BCAS1: variants seen among roughly 807,000 people sequenced by gnomAD.
The protein encoded by BCAS1 is brain enriched myelin associated protein 1, also known as breast carcinoma-amplified sequence 1.
Under a neutral mutation model 65.4 loss-of-function variants are expected in BCAS1, and 46 were observed. The observed-to-expected ratio is 0.70, with a 90% CI of 0.55 to 0.90. The LOEUF is 0.90. Ranked by LOEUF, BCAS1 falls within the 40% of genes least tolerant of loss-of-function variation. The pLI is 0.00. For synonymous variants in BCAS1, 298 were observed against 293.5 expected (o/e 1.02, Z -0.16); for missense variants, 793 against 771.2 (o/e 1.03, Z -0.33).
chr20:53,958,853 C>A (rs960814435), intron 10 of BCAS1, among the ~76,000 whole-genome samples: 1 of 152,178 alleles, frequency 6.6e-6, no homozygotes, highest in African/African-American at 2.4e-5. Flanking sequence ...CAGTGTTGGA[C>A]AGCAGGCAAT....
intron 3 of BCAS1, among the ~76,000 whole-genome samples, chr20:54,032,940 T>A (rs1374445440): frequency 6.6e-6 from 1 of 150,850 alleles, no homozygotes; most frequent in Non-Finnish European, 1.5e-5. Flanking sequence ...ACAAAGATAT[T>A]CAAGATCTAA....
chr20:53,946,986 A>G (rs1197560248), intron 12 of BCAS1, among the ~76,000 whole-genome samples: 5 of 152,166 alleles, frequency 3.3e-5, no homozygotes, highest in African/African-American at 9.7e-5. Context: ...GCACATATAT[A>G]GTATATGTAT....
At chr20:54,025,940 T>G (rs2091663470) in intron 4 of BCAS1, among the ~76,000 whole-genome samples, 2 of 152,218 alleles carry the variant, frequency 1.3e-5, no homozygotes, top group South Asian at 4.1e-4. Flanking sequence ...TTAAAAACCT[T>G]TGCAGGCATA....
intron 1 of BCAS1, among the ~76,000 whole-genome samples, chr20:54,061,483 C>T (rs574791568): frequency 2.0e-5 from 3 of 152,292 alleles, no homozygotes; most frequent in Middle Eastern, 3.4e-3. Flanking sequence ...TAGTGGCTCT[C>T]GGAATAAAAA....
chr20:54,011,266 A>G (rs1255493168), intron 4 of BCAS1, among the ~76,000 whole-genome samples: 2 of 152,218 alleles, frequency 1.3e-5, no homozygotes, highest in African/African-American at 4.8e-5. Flanking sequence ...GCCCTGTAAA[A>G]GATCCTGTTA....
At chr20:53,948,402 C>T (rs933722841) in intron 12 of BCAS1, among the ~76,000 whole-genome samples, 4 of 152,228 alleles carry the variant, frequency 2.6e-5, no homozygotes, top group African/African-American at 9.6e-5. Flanking sequence ...GGTATTTGCT[C>T]TTAAAAATTC....
chr20:53,996,588 C>T (rs36030456), intron 4 of BCAS1, among the ~76,000 whole-genome samples: 3,823 of 152,124 alleles, frequency 0.025, 112 homozygotes, highest in East Asian at 0.11. Flanking sequence ...ATTTTCTCCC[C>T]GACCTCCTCA....
chr20:53,959,202 T>G (rs936839832), intron 10 of BCAS1, among the ~76,000 whole-genome samples: 2 of 151,944 alleles, frequency 1.3e-5, no homozygotes, highest in African/African-American at 4.8e-5. Flanking sequence ...GCAATCCTCC[T>G]GCCTCAGCCT....
intron 3 of BCAS1, among the ~76,000 whole-genome samples, chr20:54,038,067 C>T (rs1282271641): frequency 6.6e-6 from 1 of 151,394 alleles, no homozygotes; most frequent in Non-Finnish European, 1.5e-5. Context: ...AAACTCTCTA[C>T]TATGGGCCAC....
In BCAS1 at chr20:54,028,439, C is replaced by T; in HGVS notation, c.676G>A (p.Glu226Lys). 1 of 1,614,218 alleles carries T rather than the reference C, an allele frequency of 6.2e-7. No homozygotes were observed. Among genetic ancestry groups the T allele is most frequent in the Non-Finnish European group, 8.5e-7 (1 of 1,180,030 alleles). Residue 226 changes from glutamate (E) to lysine (K), a missense_variant, in exon 4 of 13, where the codon GAG (glutamate) becomes AAG (lysine). Coordinates refer to ENST00000688948, the MANE Select transcript of BCAS1 (RefSeq NM_001366298.2). ...KRAEHQDKVD[E>K]VPGLSGQSDD... The stretch of plus-strand genomic sequence containing the variant: ...GACTGCCCTGATAAGCCAGGAACCT[C>T]ATCCACCTTGTCTTGATGCTCTGCC...
chr20:54,069,243 C>T (rs1032179710), intron 1 of BCAS1, among the ~76,000 whole-genome samples: 1 of 152,016 alleles, frequency 6.6e-6, no homozygotes, highest in Non-Finnish European at 1.5e-5. Context: ...CCCTGGACTC[C>T]GGGGGAACAA....
intron 4 of BCAS1, among the ~76,000 whole-genome samples, chr20:54,001,690 A>C (rs959292538): frequency 3.3e-5 from 5 of 152,014 alleles, no homozygotes; most frequent in Non-Finnish European, 5.9e-5. Flanking sequence ...CACCAAACTG[A>C]CCTTAAAAAA....
intron 7 of BCAS1, among the ~76,000 whole-genome samples, chr20:53,991,905 C>T (rs1487648125): frequency 2.0e-5 from 3 of 152,082 alleles, no homozygotes; most frequent in African/African-American, 7.2e-5. Flanking sequence ...TCTCCTTTTC[C>T]AACTCTCATT....
rs761692648 is a variant in BCAS1, at chr20:54,028,847, C to G, written c.268G>C (p.Ala90Pro). The G allele has an allele frequency of 8.1e-6, 13 of 1,613,938 alleles. No individual in the cohort carries two copies. The highest frequency in any genetic ancestry group is 4.0e-5 in the African/African-American group (3 of 74,880). ...LGKEAKPEAPAAKSRFFLMLS... is the reference protein window; with the variant it reads ...LGKEAKPEAPPAKSRFFLMLS... ...ATCAAGAAAAAACGAGATTTAGCAG[C>G]TGGTGCCTCGGGTTTGGCCTCTTTC... The change falls in exon 4 of 13, where the codon GCT becomes CCT. Residue 90 changes from alanine to proline, a missense_variant. Transcript: ENST00000688948.
At chr20:53,950,342 C>T (rs925359775) in intron 12 of BCAS1, among the ~76,000 whole-genome samples, 1 of 152,176 alleles carries the variant, frequency 6.6e-6, no homozygotes, top group South Asian at 2.1e-4. Context: ...GAGCCTTGCT[C>T]TCTTCCTGTC....
At chr20:54,022,094 A>C (rs1484073298) in intron 4 of BCAS1, among the ~76,000 whole-genome samples, 1 of 152,202 alleles carries the variant, frequency 6.6e-6, no homozygotes, top group Non-Finnish European at 1.5e-5. Context: ...ACTTGGAATC[A>C]TGTTAAAACC....
rs16998893 is a variant in BCAS1 at position 54,068,965 on chromosome 20, A to G, written c.-6+1468T>C. ...AGAATCCATGGGCTTTAACGGGCCC[A>G]TTGCTTTTCCCAAAGCTCATGCCTT... On this transcript the variant is annotated intron_variant, in intron 1 of 12. Coordinates refer to ENST00000688948, the MANE Select transcript of BCAS1 (RefSeq NM_001366298.2). Among the ~76,000 whole-genome samples, 978 of 152,036 alleles carry G rather than the reference A, an allele frequency of 6.4e-3. 12 individuals carry two copies. The highest frequency in any genetic ancestry group is 0.023 in the African/African-American group (937 of 41,438).
chr20:53,977,961 C>T (rs2090377164), intron 8 of BCAS1, among the ~76,000 whole-genome samples: 1 of 151,830 alleles, frequency 6.6e-6, no homozygotes, highest in South Asian at 2.1e-4. Context: ...CATATGTATA[C>T]ATGTGCCATG....
At chr20:54,061,890 C>CGGTGGCT (rs1170065367) in intron 1 of BCAS1, among the ~76,000 whole-genome samples, 1 of 152,090 alleles carries the variant, frequency 6.6e-6, no homozygotes, top group Non-Finnish European at 1.5e-5. Flanking sequence ...CAAAGAACAG[C>CGGTGGCT]GGTGGCTGGA....
Sources: gnomAD v4.1 joint callset for allele counts (sites outside exome capture counted in the v4.1 genomes callset) on GRCh38, gnomAD v4.1.1 for gene constraint, MANE v1.5 for transcripts, NCBI Gene and HGNC (gene_info 2026-07-23, HGNC 2026-07-21) for gene names.